The following BDKRB2 variants were observed in gnomAD, a reference collection of about 807,000 sequenced individuals.
BDKRB2 encodes B2 bradykinin receptor.
A neutral mutation model predicts 4.0 loss-of-function variants in BDKRB2; 6 were observed. That is an observed-to-expected ratio of 1.49 (90% CI 0.81 to 2.93). The LOEUF (loss-of-function observed/expected upper bound fraction) is 2.93. Among genes scored for constraint, BDKRB2 ranks in the 30% most tolerant of loss-of-function variants. The pLI, the probability that BDKRB2 is intolerant of heterozygous loss-of-function variation, is 0.00. For synonymous variants in BDKRB2, 225 were observed against 215.3 expected, an observed-to-expected ratio of 1.05 and a Z score of -0.40; for missense variants, 478 against 520.1, an observed-to-expected ratio of 0.92 and a Z score of 0.79.
chr14:96,209,549 G>A (rs955174226), intron 1 of BDKRB2, among the ~76,000 whole-genome samples: 7 of 152,208 alleles, frequency 4.6e-5, no homozygotes, highest in Non-Finnish European at 1.0e-4. Context: ...AAAATCGGGG[G>A]AAGGTGGCCA....
chr14:96,211,692 C>T (rs1048512959), intron 1 of BDKRB2, among the ~76,000 whole-genome samples: 4 of 152,286 alleles, frequency 2.6e-5, no homozygotes, highest in East Asian at 1.9e-4. Context: ...CCTCCTTTTT[C>T]GGAAGCCAGG....
At chr14:96,230,457 C>A (rs558796583) in intron 1 of BDKRB2, among the ~76,000 whole-genome samples, 1 of 151,864 alleles carries the variant, frequency 6.6e-6, no homozygotes, top group African/African-American at 2.4e-5. Context: ...TGCAACGGTG[C>A]GATCTCGGCT....
intron 1 of BDKRB2, among the ~76,000 whole-genome samples, chr14:96,224,029 T>C (rs1890639115): frequency 6.6e-6 from 1 of 152,144 alleles, no homozygotes; most frequent in Admixed American, 6.5e-5. Context: ...CGAGATGTGA[T>C]AATGGTTGTC....
At chr14:96,231,766 G>A (rs1890823981) in intron 1 of BDKRB2, among the ~76,000 whole-genome samples, 1 of 152,234 alleles carries the variant, frequency 6.6e-6, no homozygotes, top group Non-Finnish European at 1.5e-5. Flanking sequence ...GCGTGATGCA[G>A]GGTGGGAAGA....
chr14:96,207,196 GC>G (rs759302489), intron 1 of BDKRB2, among the ~76,000 whole-genome samples: 2 of 152,304 alleles, frequency 1.3e-5, no homozygotes, highest in East Asian at 1.9e-4. Flanking sequence ...CGCTCAAGCT[GC>G]CTCCTCTGCA....
At chr14:96,239,314 C>T (rs1016467983) in intron 2 of BDKRB2, 2 of 976,366 alleles carry the variant, frequency 2.0e-6, no homozygotes, top group South Asian at 9.5e-5. Flanking sequence ...GAGCAATACC[C>T]TACTCCAAAG....
Position 96,206,838 on chromosome 14 carries a change from A to C in BDKRB2, c.-40+1879A>C, listed in dbSNP as rs1890193177. Among the ~76,000 whole-genome samples, 2 of 152,060 alleles carry C rather than the reference A, an allele frequency of 1.3e-5. 1 individual carries two copies. Among genetic ancestry groups the C allele is most frequent in the South Asian group, 4.1e-4 (2 of 4,820 alleles). On this transcript the variant is annotated intron_variant, in intron 1 of 2. Coordinates refer to ENST00000554311, the MANE Select transcript of BDKRB2 (RefSeq NM_001379692.1). The stretch of plus-strand genomic sequence containing the variant: ...AATACTTTAGACTGGGTAATTTATC[A>C]AAAAACAGACATTTATTGCTCTCGG...
At chr14:96,229,630 C>T (rs927673147) in intron 1 of BDKRB2, among the ~76,000 whole-genome samples, 1 of 152,102 alleles carries the variant, frequency 6.6e-6, no homozygotes, top group Non-Finnish European at 1.5e-5. Flanking sequence ...GTCATCCAGC[C>T]AGGTGGACCC....
intron 1 of BDKRB2, chr14:96,223,314 C>G (rs971027959): frequency 2.8e-5 from 30 of 1,057,394 alleles, no homozygotes; most frequent in Non-Finnish European, 4.0e-5. Context: ...TCTTGCTGTT[C>G]CGGCGCCCAC....
Position 96,241,340 on chromosome 14 carries a change from C to A in BDKRB2, c.1012C>A (p.Arg338Ser). 2 of 1,613,888 alleles carry A rather than the reference C, an allele frequency of 1.2e-6. No homozygotes were observed. The highest frequency in any genetic ancestry group is 4.5e-5 in the East Asian group (2 of 44,884). ...NPLVYVIVGK[R>S]FRKKSWEVYQ... ...ACTGGTGTACGTGATCGTGGGCAAG[C>A]GCTTCCGAAAGAAGTCTTGGGAGGT... The change falls in exon 3 of 3, where the codon CGC (arginine) becomes AGC (serine). Residue 338 changes from arginine (R) to serine (S), a missense_variant. Physicochemically the swap from Arg to Ser is moderately radical, Grantham distance 110 (BLOSUM62 -1). Coordinates refer to ENST00000554311, the MANE Select transcript of BDKRB2 (RefSeq NM_001379692.1).
rs17093915 is a variant in BDKRB2 at position 96,217,886 on chromosome 14, G to T, written c.-40+12927G>T. ...ACTCCTCCAACCAGGTCTGCCTTAC[G>T]CTTTTGACCACAATCAACCCGGCTC... On this transcript the variant is annotated intron_variant, in intron 1 of 2. Coordinates refer to ENST00000554311, the MANE Select transcript of BDKRB2 (RefSeq NM_001379692.1). Among the ~76,000 whole-genome samples the T allele has an allele frequency of 0.015, 2,334 of 152,122 alleles. 212 individuals are homozygous for T. In the East Asian group the frequency reaches 0.26, roughly 17 times the overall value.
chr14:96,232,953 G>A (rs373744863), intron 1 of BDKRB2, among the ~76,000 whole-genome samples: 69 of 152,318 alleles, frequency 4.5e-4, no homozygotes, highest in African/African-American at 1.6e-3. Flanking sequence ...CAAGAGAAAA[G>A]TGAACAAATT....
rs922498774 is a variant in BDKRB2 at position 96,237,759 on chromosome 14, G to A, written c.74+578G>A. 4.7e-6 allele frequency: 6 copies of A among 1,289,618 alleles called. No individual in the cohort carries two copies. The African/African-American group carries it at 9.1e-5, about 20-fold the overall frequency. 79.9% of individuals were successfully genotyped at this position (1,289,618 alleles called of 1,614,324 possible). ...ATGAGCAGATGGCCATCTCAGCTGG[G>A]GCCACAGTGCACTGGACCTATAGTT... On this transcript the variant is annotated intron_variant, in intron 2 of 2. Coordinates refer to ENST00000554311, the MANE Select transcript of BDKRB2 (RefSeq NM_001379692.1).
In BDKRB2 at chr14:96,240,452, T is replaced by G. The variant is rs201987499; in HGVS notation, c.124T>G (p.Phe42Val). The part of the protein sequence containing the change: ...TLQGPTLNGT[F>V]AQSKCPQVEW... ...GCAAGGGCCCACTCTTAACGGGACC[T>G]TTGCCCAGAGCAAATGCCCCCAAGT... Residue 42 changes from phenylalanine to valine, a missense_variant, in exon 3 of 3, where the codon TTT becomes GTT. Coordinates refer to ENST00000554311, the MANE Select transcript of BDKRB2 (RefSeq NM_001379692.1). 1.4e-5 allele frequency: 21 copies of G among 1,507,126 alleles called. No individual in the cohort carries two copies. The highest frequency in any genetic ancestry group is 1.6e-5 in the Non-Finnish European group (18 of 1,129,374). 93.4% of individuals were successfully genotyped at this position (1,507,126 alleles called of 1,614,324 possible).
intron 1 of BDKRB2, among the ~76,000 whole-genome samples, chr14:96,228,396 G>A (rs1890746892): frequency 6.6e-6 from 1 of 152,092 alleles, no homozygotes; most frequent in South Asian, 2.1e-4. Flanking sequence ...GAAGAATCAG[G>A]TCACACGGAC....
At chr14:96,236,544 C>T (rs1469125691) in intron 1 of BDKRB2, among the ~76,000 whole-genome samples, 1 of 152,200 alleles carries the variant, frequency 6.6e-6, no homozygotes, top group Admixed American at 6.5e-5. Flanking sequence ...CTCTAAACTC[C>T]TCTGGAATCC....
In BDKRB2 at chr14:96,241,072, G is replaced by A. The variant is rs200532207; in HGVS notation, c.744G>A (p.Met248Ile). The A allele has an allele frequency of 3.7e-6, 6 of 1,614,064 alleles. No individual in the cohort carries two copies. The highest frequency in any genetic ancestry group is 5.1e-6 in the Non-Finnish European group (6 of 1,179,960). The change falls in exon 3 of 3, where the codon ATG becomes ATA. Residue 248 changes from methionine (M) to isoleucine (I), a missense_variant. Transcript: ENST00000554311. ...TCACCTTCTGCACGATGCAGATCAT[G>A]CAGGTGCTGCGGAACAACGAGATGC... ...SVITFCTMQI[M>I]QVLRNNEMQK...
intron 1 of BDKRB2, among the ~76,000 whole-genome samples, chr14:96,217,347 T>C: frequency 6.6e-6 from 1 of 152,220 alleles, no homozygotes; most frequent in African/African-American, 2.4e-5. Flanking sequence ...TTAAGAAAGC[T>C]AGTCACCGCA....
intron 2 of BDKRB2, 30 bp downstream of exon 2, chr14:96,237,211 G>A (rs1202594063): frequency 1.9e-6 from 3 of 1,586,546 alleles, no homozygotes; most frequent in Non-Finnish European, 2.6e-6. Context: ...CAGTTCACTA[G>A]TTAGGGGAGG....
Sources: gnomAD v4.1 joint callset for allele counts (sites outside exome capture counted in the v4.1 genomes callset) on GRCh38, gnomAD v4.1.1 for gene constraint, MANE v1.5 for transcripts, NCBI Gene and HGNC (gene_info 2026-07-23, HGNC 2026-07-21) for gene names.